B3GALNT2: variants seen among roughly 807,000 people sequenced by gnomAD.
The protein encoded by B3GALNT2 is beta-1,3-N-acetylgalactosaminyltransferase 2.
A neutral mutation model predicts 61.1 loss-of-function variants in B3GALNT2; 53 were observed. The observed-to-expected ratio is 0.87, with a 90% confidence interval of 0.70 to 1.09. The LOEUF is 1.09. B3GALNT2 is among the 50% of genes least tolerant of loss of function. The pLI is 0.00. For missense variants in B3GALNT2, 544 were observed against 623.0 expected, an observed-to-expected ratio of 0.87 and a Z score of 1.35; for synonymous variants, 223 against 237.4, an observed-to-expected ratio of 0.94 and a Z score of 0.56.
intron 5 of B3GALNT2, among the ~76,000 whole-genome samples, chr1:235,474,961 ATATATATATATATATATATATATATATT>A (rs1197917538): frequency 4.4e-5 from 1 of 22,506 alleles, no homozygotes; most frequent in Admixed American, 5.2e-4. Flanking sequence ...ATATATATAT[ATATATATATATATATATATATATATATT>A]TTTTTTTTTT....
chr1:235,448,017 TG>T lies in B3GALNT2; in HGVS notation c.*2188del, dbSNP rs1199892448. The stretch of plus-strand genomic sequence containing the variant: ...CGAGGTCAGGAGTTCAAGACCAGCC[TG>T]GCCAACATGGTGAAACCCCGTCTCT... On this transcript the variant is annotated 3_prime_UTR_variant, in exon 12 of 12. Coordinates refer to ENST00000366600, the MANE Select transcript of B3GALNT2 (RefSeq NM_152490.5). Among the ~76,000 whole-genome samples the T allele has an allele frequency of 1.3e-5, 2 of 152,074 alleles. No homozygotes were observed. Among genetic ancestry groups the T allele is most frequent in the African/African-American group, 4.8e-5 (2 of 41,406 alleles).
intron 7 of B3GALNT2, among the ~76,000 whole-genome samples, chr1:235,461,507 GTTTTTTTTTTT>G (rs57611133): frequency 3.8e-4 from 24 of 63,382 alleles, no homozygotes; most frequent in East Asian, 2.4e-3. Context: ...ATGACCTCCT[GTTTTTTTTTTT>G]TTTTTTTTTT....
At chr1:235,459,749 A>G (rs1453905547) in intron 7 of B3GALNT2, among the ~76,000 whole-genome samples, 5 of 152,194 alleles carry the variant, frequency 3.3e-5, no homozygotes, top group Non-Finnish European at 5.9e-5. Context: ...GAATACATCT[A>G]GGGAGAACCA....
chr1:235,446,761 G>A (rs935072972), downstream of B3GALNT2, among the ~76,000 whole-genome samples: 1 of 150,694 alleles, frequency 6.6e-6, no homozygotes, highest in Admixed American at 6.6e-5. Flanking sequence ...ACAGTGGCGC[G>A]ATCATGGCTC....
chr1:235,460,821 GC>G (rs1046812771), intron 7 of B3GALNT2, among the ~76,000 whole-genome samples: 2 of 152,022 alleles, frequency 1.3e-5, no homozygotes, highest in Admixed American at 6.6e-5. Flanking sequence ...AGATCCTCTT[GC>G]CTCCCAAGTT....
At chr1:235,445,967 A>G (rs539870787), downstream of B3GALNT2, among the ~76,000 whole-genome samples, 5 of 152,336 alleles carry the variant, frequency 3.3e-5, no homozygotes, top group African/African-American at 7.2e-5. Flanking sequence ...TGTGGCTGCA[A>G]TAACCACATG....
chr1:235,450,015 A>G lies in B3GALNT2; in HGVS notation c.*191T>C. 1 of 537,558 alleles carries G rather than the reference A, an allele frequency of 1.9e-6. No individual in the cohort carries two copies. The allele number at this position is 537,558 out of a possible 1,614,324, so 33.3% of individuals were successfully genotyped here. A position where few individuals can be genotyped will look rare whatever the true frequency, so the allele number is the denominator to read the frequency against. On this transcript the variant is annotated 3_prime_UTR_variant, in exon 12 of 12. Coordinates refer to ENST00000366600, the MANE Select transcript of B3GALNT2 (RefSeq NM_152490.5). ...TAAATAAAAACTTTTCTTATGCTAC[A>G]GTACAAGTTGATTTTTAAGGAAATT...
At position 235,449,343 on chromosome 1, in the gene B3GALNT2, G is replaced by GAAAT. The variant is rs1558403302; in HGVS notation, c.*859_*862dup. ...TCTTCTGTGATAACCAGCTTTGATT[G>GAAAT]AAATGTACTCATATTAGGTAAACAT... On this transcript the variant is annotated 3_prime_UTR_variant, in exon 12 of 12. Coordinates refer to ENST00000366600, the MANE Select transcript of B3GALNT2 (RefSeq NM_152490.5). 1.9e-5 allele frequency: 3 copies of GAAAT among 155,784 alleles called. No individual in the cohort carries two copies. Among genetic ancestry groups the GAAAT allele is most frequent in the African/African-American group, 7.2e-5 (3 of 41,408 alleles). 9.7% of individuals were successfully genotyped at this position (155,784 alleles called of 1,614,324 possible).
At chr1:235,475,210 G>A (rs2102824332) in intron 5 of B3GALNT2, among the ~76,000 whole-genome samples, 1 of 151,352 alleles carries the variant, frequency 6.6e-6, no homozygotes, top group Non-Finnish European at 1.5e-5. Flanking sequence ...TGTTAGCCAG[G>A]ATGGTCTGGA....
chr1:235,493,769 C>T (rs1182304210), intron 2 of B3GALNT2, among the ~76,000 whole-genome samples: 3 of 151,372 alleles, frequency 2.0e-5, no homozygotes, highest in Non-Finnish European at 4.4e-5. Flanking sequence ...CAGCAAAACT[C>T]CATCTCAAAA....
intron 10 of B3GALNT2, 21 bp downstream of exon 10, chr1:235,454,135 A>G: frequency 6.3e-7 from 1 of 1,576,760 alleles, no homozygotes; most frequent in Non-Finnish European, 8.6e-7. Context: ...CACCACGCCA[A>G]GCTAAGAAAT....
intron 5 of B3GALNT2, 131 bp downstream of exon 5, chr1:235,479,923 T>C: frequency 7.0e-7 from 1 of 1,429,160 alleles, no homozygotes; most frequent in Non-Finnish European, 9.3e-7. Context: ...CATCCACAGT[T>C]GGTACCTTCA....
At chr1:235,440,260 G>A in the B3GALNT2 span, among the ~76,000 whole-genome samples, 125 of 152,036 alleles carry the variant, frequency 8.2e-4, no homozygotes, top group Middle Eastern at 6.8e-3. Context: ...GTGAGCCACC[G>A]CGCCCAGCCA....
At chr1:235,502,442 CATTT>C (rs1558448393) in intron 1 of B3GALNT2, among the ~76,000 whole-genome samples, 1 of 152,170 alleles carries the variant, frequency 6.6e-6, no homozygotes, top group African/African-American at 2.4e-5. Context: ...AAAAAAATCC[CATTT>C]ATTATCTGAC....
chr1:235,448,982 T>G lies in B3GALNT2; in HGVS notation c.*1224A>C. The G allele has an allele frequency of 2.2e-6, 1 of 462,516 alleles. No homozygotes were observed. Among genetic ancestry groups the G allele is most frequent in the Non-Finnish European group, 4.0e-6 (1 of 251,562 alleles). 28.7% of individuals were successfully genotyped at this position (462,516 alleles called of 1,614,324 possible). On this transcript the variant is annotated 3_prime_UTR_variant, in exon 12 of 12. Coordinates refer to ENST00000366600, the MANE Select transcript of B3GALNT2 (RefSeq NM_152490.5). ...TGAACCTACTAATGATTTTCTGATC[T>G]TATTTCATATTTATTTTTACAGCTC...
downstream of B3GALNT2, among the ~76,000 whole-genome samples, chr1:235,444,470 C>T (rs1327481907): frequency 6.6e-6 from 1 of 152,156 alleles, no homozygotes; most frequent in Non-Finnish European, 1.5e-5. Flanking sequence ...CATCTCAGCT[C>T]ACTGCAGGCT....
In B3GALNT2 at chr1:235,481,777, C is replaced by G. The variant is rs1684575207; in HGVS notation, c.556-1628G>C. Among the ~76,000 whole-genome samples the G allele has an allele frequency of 2.0e-5, 3 of 152,128 alleles. No individual in the cohort carries two copies. The South Asian group carries it at 6.2e-4, about 32-fold the overall frequency. ...CAATTACCTATTTGATCTTCAGTAT[C>G]AATGAAACTGTTAACTACAATCATA... is the stretch of plus-strand genomic sequence containing the variant. On this transcript the variant is annotated intron_variant, in intron 4 of 11. Coordinates refer to ENST00000366600, the MANE Select transcript of B3GALNT2 (RefSeq NM_152490.5).
rs1285996806 is a variant in B3GALNT2, at chr1:235,448,202, A to AAGTC, written c.*2003_*2004insGACT. On this transcript the variant is annotated 3_prime_UTR_variant, in exon 12 of 12. Coordinates refer to ENST00000366600, the MANE Select transcript of B3GALNT2 (RefSeq NM_152490.5). ...GCGACAGAGCAAGACTTACTTAAGT[A>AAGTC]AGTAAGTAAGTCAGTCTCAAAAAAA... 3 of 708,030 alleles carry AAGTC rather than the reference A, an allele frequency of 4.2e-6. No individual in the cohort carries two copies. Among genetic ancestry groups the AAGTC allele is most frequent in the African/African-American group, 3.8e-5 (2 of 53,050 alleles). The allele number at this position is 708,030 out of a possible 1,614,324, so 43.9% of individuals were successfully genotyped here.
At chr1:235,483,137 T>C (rs1684633901) in intron 4 of B3GALNT2, among the ~76,000 whole-genome samples, 1 of 152,140 alleles carries the variant, frequency 6.6e-6, no homozygotes, top group African/African-American at 2.4e-5. Flanking sequence ...AAAAAATTCA[T>C]TGGATAGGCT....
Sources: allele counts gnomAD v4.1 joint callset (sites outside exome capture counted in the v4.1 genomes callset), GRCh38; gene constraint gnomAD v4.1.1; transcripts MANE v1.5; gene names NCBI Gene and HGNC (gene_info 2026-07-23, HGNC 2026-07-21).